Variants in PDSS1 observed in about 807,000 individuals in gnomAD.
The protein encoded by PDSS1 is all trans-polyprenyl-diphosphate synthase PDSS1.
A neutral mutation model predicts 57.5 loss-of-function variants in PDSS1; 43 were observed. The observed-to-expected ratio is 0.75, with a 90% CI of 0.59 to 0.96. The LOEUF is 0.96. Ranked by LOEUF, PDSS1 falls within the 50% of genes least tolerant of loss-of-function variation. The pLI, the probability that PDSS1 is intolerant of heterozygous loss-of-function variation, is 0.00. For synonymous variants in PDSS1, 175 were observed against 191.3 expected (o/e 0.91, Z 0.70); for missense variants, 438 against 527.8 (o/e 0.83, Z 1.67).
chr10:26,704,889 C>T (rs1835160149), intron 3 of PDSS1, 148 bp downstream of exon 3: 3 of 639,984 alleles, frequency 4.7e-6, no homozygotes, highest in South Asian at 3.6e-5. Context: ...CTCCCACCCT[C>T]AGGTTCCCAA....
chr10:26,734,475 G>A (rs565648309), intron 8 of PDSS1, among the ~76,000 whole-genome samples: 224 of 152,326 alleles, frequency 1.5e-3, no homozygotes, highest in Non-Finnish European at 2.4e-3. Context: ...AGGGCACTGG[G>A]AAATGCACTT....
chr10:26,701,678 G>C (rs756999334), intron 1 of PDSS1, among the ~76,000 whole-genome samples: 2 of 152,238 alleles, frequency 1.3e-5, no homozygotes, highest in Non-Finnish European at 2.9e-5. Flanking sequence ...CTGAAGGGGG[G>C]AGAACCCTCA....
chr10:26,731,240 C>G (rs1362663392), intron 8 of PDSS1, among the ~76,000 whole-genome samples: 2 of 152,128 alleles, frequency 1.3e-5, no homozygotes, highest in African/African-American at 2.4e-5. Flanking sequence ...ACTCGGGAGG[C>G]TGAGGCACAA....
At chr10:26,740,556 C>T (rs1836556540) in intron 10 of PDSS1, 4 of 448,442 alleles carry the variant, frequency 8.9e-6, no homozygotes, top group South Asian at 4.7e-5. Flanking sequence ...GATCACTTGG[C>T]TGCGGCTTTT....
At chr10:26,702,048 C>A in intron 1 of PDSS1, 114 bp from the exon 2 acceptor site, 1 of 425,144 alleles carries the variant, frequency 2.4e-6, no homozygotes, top group South Asian at 1.8e-5. Context: ...TTGCATGAGG[C>A]CTGTAAGCCC....
chr10:26,724,568 TG>T (rs1409076842), intron 8 of PDSS1, among the ~76,000 whole-genome samples: 1 of 152,128 alleles, frequency 6.6e-6, no homozygotes, highest in Non-Finnish European at 1.5e-5. Flanking sequence ...AACTTTTTTT[TG>T]TTTTTTTGTT....
intron 5 of PDSS1, among the ~76,000 whole-genome samples, chr10:26,711,636 G>C (rs983845364): frequency 1.0e-5 from 1 of 97,986 alleles, no homozygotes; most frequent in Non-Finnish European, 2.4e-5. Flanking sequence ...GCAGAGTTCC[G>C]CAGCCTCGGG....
At chr10:26,706,356 A>G (rs1023489431) in intron 4 of PDSS1, among the ~76,000 whole-genome samples, 2 of 152,198 alleles carry the variant, frequency 1.3e-5, no homozygotes, top group Admixed American at 1.3e-4. Context: ...TTTCACAGAC[A>G]GTAGGGGCTG....
intron 4 of PDSS1, among the ~76,000 whole-genome samples, chr10:26,706,054 G>A (rs559758169): frequency 1.3e-4 from 20 of 152,254 alleles, no homozygotes; most frequent in African/African-American, 4.3e-4. Flanking sequence ...TTGCCAGTCT[G>A]CCCCAAATAT....
In PDSS1 at chr10:26,735,418, A is replaced by G. The variant is rs1184015994; in HGVS notation, c.913-48A>G. 4 of 1,395,408 alleles carry G rather than the reference A, an allele frequency of 2.9e-6. No individual in the cohort carries two copies. The African/African-American group carries it at 5.7e-5, about 20-fold the overall frequency. The allele number at this position is 1,395,408 out of a possible 1,614,324, so 86.4% of individuals were successfully genotyped here. A position where few individuals can be genotyped will look rare whatever the true frequency, so the allele number is the denominator to read the frequency against. On this transcript the variant is annotated intron_variant, in intron 9 of 11. Coordinates refer to ENST00000376215, the MANE Select transcript of PDSS1 (RefSeq NM_014317.5). ...TCAAAATAGTAAGAACGATGGCAGC[A>G]GTGTTGGCATGGCGGTGCTCCTTAC... is the stretch of plus-strand genomic sequence containing the variant.
chr10:26,717,370 T>C (rs1463711020), intron 5 of PDSS1, among the ~76,000 whole-genome samples: 1 of 152,176 alleles, frequency 6.6e-6, no homozygotes, highest in East Asian at 1.9e-4. Flanking sequence ...TAGCTGGGAT[T>C]ACAGGCACCC....
In PDSS1 at chr10:26,724,104, T is replaced by G. The variant is rs1265216207; in HGVS notation, c.812T>G (p.Ile271Arg). Reference sequence around the variant, plus strand: ...ACATTCAAGAAGACCGCCAGCCTGATAGCCAACAGTTGTAAAGCAGTATGT... The same window carrying G: ...ACATTCAAGAAGACCGCCAGCCTGAGAGCCAACAGTTGTAAAGCAGTATGT... ...EKTFKKTASL[I>R]ANSCKAVSVL... is the part of the protein sequence containing the mutation. The change falls in exon 8 of 12, where the codon ATA becomes AGA. Residue 271 changes from isoleucine to arginine, a missense_variant. Physicochemically the swap from Ile to Arg is moderately conservative, Grantham distance 97. Transcript: ENST00000376215. 1 of 1,610,536 alleles carries G rather than the reference T, an allele frequency of 6.2e-7. No individual in the cohort carries two copies. The highest frequency in any genetic ancestry group is 2.2e-5 in the East Asian group (1 of 44,872).
intron 8 of PDSS1, among the ~76,000 whole-genome samples, chr10:26,724,647 G>C (rs1285852839): frequency 2.0e-5 from 3 of 151,892 alleles, no homozygotes; most frequent in Non-Finnish European, 4.4e-5. Flanking sequence ...GTGTGATCTT[G>C]GCTCACTACA....
At chr10:26,719,556 T>C (rs1229125607) in intron 5 of PDSS1, among the ~76,000 whole-genome samples, 2 of 152,138 alleles carry the variant, frequency 1.3e-5, no homozygotes, top group African/African-American at 4.8e-5. Flanking sequence ...TCACTTGAGG[T>C]CAGGAGTTCG....
At chr10:26,741,396 T>C (rs1034699344) in intron 10 of PDSS1, among the ~76,000 whole-genome samples, 9 of 152,090 alleles carry the variant, frequency 5.9e-5, no homozygotes, top group Admixed American at 3.3e-4. Context: ...AGGCAGAGAA[T>C]TGCTTGAACC....
chr10:26,743,582 A>G (rs1836703577), intron 11 of PDSS1, among the ~76,000 whole-genome samples: 1 of 152,212 alleles, frequency 6.6e-6, no homozygotes, highest in Non-Finnish European at 1.5e-5. Context: ...AGAAGTCAAT[A>G]TTCCCTGGGA....
At chr10:26,730,032 C>T (rs1031032714) in intron 8 of PDSS1, among the ~76,000 whole-genome samples, 31 of 151,126 alleles carry the variant, frequency 2.1e-4, no homozygotes, top group East Asian at 1.8e-3. Context: ...CCTGCCTCAG[C>T]CTCCCGAGTA....
chr10:26,720,174 T>C (rs944695053), intron 5 of PDSS1, 44 bp from the exon 6 acceptor site: 8 of 1,611,524 alleles, frequency 5.0e-6, no homozygotes, highest in Non-Finnish European at 6.8e-6. Context: ...GCTGAGAAGG[T>C]TCTAGGCGGC....
intron 11 of PDSS1, among the ~76,000 whole-genome samples, 159 bp from the exon 12 acceptor site, chr10:26,746,174 T>TGAG (rs879911332): frequency 9.9e-5 from 15 of 152,208 alleles, no homozygotes; most frequent in Admixed American, 5.2e-4. Context: ...GTTAGCACTA[T>TGAG]GAGTCGGGAA....
Sources: allele counts gnomAD v4.1 joint callset (sites outside exome capture counted in the v4.1 genomes callset), GRCh38; gene constraint gnomAD v4.1.1; transcripts MANE v1.5; gene names NCBI Gene and HGNC (gene_info 2026-07-23, HGNC 2026-07-21).